Variants in ARMC8 observed in about 807,000 individuals in gnomAD.
ARMC8 encodes armadillo repeat containing 8, also known as armadillo repeat-containing protein 8.
A neutral mutation model predicts 99.3 loss-of-function variants in ARMC8; 20 were observed. The ratio of observed to expected loss-of-function variants is 0.20; its 90% CI spans 0.14 to 0.29. The LOEUF (loss-of-function observed/expected upper bound fraction) is 0.29, where lower values mean the gene tolerates loss of function less well. ARMC8 is among the 10% of genes least tolerant of loss of function. The pLI, the probability that ARMC8 is intolerant of heterozygous loss-of-function variation, is 1.00. For synonymous variants in ARMC8, 263 were observed against 278.3 expected (o/e 0.95, Z 0.55); for missense variants, 569 against 809.5 (o/e 0.70, Z 3.60).
intron 12 of ARMC8, among the ~76,000 whole-genome samples, chr3:138,260,242 C>T (rs1309763187): frequency 6.6e-6 from 1 of 152,172 alleles, no homozygotes; most frequent in Non-Finnish European, 1.5e-5. Flanking sequence ...CCTCACCCGC[C>T]TTCTTCCCAA....
chr3:138,201,026 C>A (rs1202781640), intron 1 of ARMC8, among the ~76,000 whole-genome samples: 3 of 150,380 alleles, frequency 2.0e-5, no homozygotes, highest in African/African-American at 7.4e-5. Context: ...GATTCTCCTG[C>A]CTCAGCTTCC....
chr3:138,289,066 C>T lies in ARMC8; in HGVS notation c.1840C>T (p.Leu614=), dbSNP rs1167308250. Residue 614 remains leucine, a synonymous_variant, in exon 20 of 22, where the codon CTG becomes TTG. Transcript: ENST00000469044. ...TTAATAGGGCCATTCACATGTTAAACTGCAGCTTGCAGCCATGTTTTGTAT... is the reference window on the plus strand; with the variant it reads ...TTAATAGGGCCATTCACATGTTAAATTGCAGCTTGCAGCCATGTTTTGTAT... The part of the protein sequence containing the change: ...KYYMGHSHVK[L]QLAAMFCISN... 2 of 1,612,750 alleles carry T rather than the reference C, an allele frequency of 1.2e-6. No homozygotes were observed. Among genetic ancestry groups the T allele is most frequent in the African/African-American group, 1.3e-5 (1 of 74,884 alleles).
chr3:138,196,708 TA>T (rs958022659), intron 1 of ARMC8, among the ~76,000 whole-genome samples: 27 of 150,892 alleles, frequency 1.8e-4, no homozygotes, highest in Non-Finnish European at 3.7e-4. Context: ...CTACTAAAAA[TA>T]AAAAAAAATT....
rs190308837 is a variant in ARMC8, at chr3:138,263,750, T to C, written c.1146T>C (p.Thr382=). 17 of 1,613,974 alleles carry C rather than the reference T, an allele frequency of 1.1e-5. No homozygotes were observed. Among genetic ancestry groups the C allele is most frequent in the Non-Finnish European group, 1.3e-5 (15 of 1,179,810 alleles). The change falls in exon 13 of 22, where the codon ACT becomes ACC. Residue 382 remains threonine, a synonymous_variant. Coordinates refer to ENST00000469044, the MANE Select transcript of ARMC8 (RefSeq NM_001363941.2). ...DEDIRKKIIE[T]ENMMDRIVTG... The stretch of plus-strand genomic sequence containing the variant: ...ACCTTTTTCTCCAGATCATTGAGAC[T>C]GAAAATATGATGGACCGAATTGTGA...
At chr3:138,225,407 G>C (rs991553584) in intron 5 of ARMC8, among the ~76,000 whole-genome samples, 1 of 152,010 alleles carries the variant, frequency 6.6e-6, no homozygotes, top group Non-Finnish European at 1.5e-5. Context: ...CACTGCGCCC[G>C]GCCTCTTCTA....
intron 12 of ARMC8, chr3:138,262,568 G>T (rs761767101): frequency 6.2e-7 from 1 of 1,611,590 alleles, no homozygotes; most frequent in South Asian, 1.1e-5. Context: ...CTTCAACCTT[G>T]GCTGTGTACT....
At chr3:138,274,633 G>A in intron 18 of ARMC8, 89 bp downstream of exon 18, 1 of 941,472 alleles carries the variant, frequency 1.1e-6, no homozygotes. Flanking sequence ...CAAATCTGCA[G>A]AAGACAGAGT....
chr3:138,189,053 TCTC>T (rs2043232746), intron 1 of ARMC8, among the ~76,000 whole-genome samples: 1 of 152,176 alleles, frequency 6.6e-6, no homozygotes, highest in African/African-American at 2.4e-5. Context: ...TGTTCTCAGT[TCTC>T]CTTTAATTAT....
chr3:138,286,202 C>T (rs1013722951), intron 19 of ARMC8, among the ~76,000 whole-genome samples: 2 of 152,178 alleles, frequency 1.3e-5, no homozygotes, highest in African/African-American at 4.8e-5. Flanking sequence ...CTCGGCCTCC[C>T]AAAGTGCTGG....
intron 10 of ARMC8, among the ~76,000 whole-genome samples, 155 bp from the exon 11 acceptor site, chr3:138,241,628 A>C (rs904590372): frequency 7.9e-5 from 12 of 152,188 alleles, no homozygotes; most frequent in Admixed American, 3.3e-4. Context: ...TTGTTTTTGC[A>C]TTTTAAAAAA....
chr3:138,288,407 A>G (rs1029847376), intron 19 of ARMC8, among the ~76,000 whole-genome samples: 8 of 152,228 alleles, frequency 5.3e-5, no homozygotes, highest in African/African-American at 1.9e-4. Flanking sequence ...TTCCTCGTGC[A>G]TGGATTGAAT....
intron 5 of ARMC8, among the ~76,000 whole-genome samples, chr3:138,225,780 G>C (rs920090969): frequency 1.3e-5 from 2 of 152,150 alleles, no homozygotes; most frequent in African/African-American, 4.8e-5. Flanking sequence ...ATCTTATCCA[G>C]AATCAGGCTT....
chr3:138,217,793 C>G (rs777444569), intron 2 of ARMC8, among the ~76,000 whole-genome samples: 2 of 152,172 alleles, frequency 1.3e-5, no homozygotes, highest in African/African-American at 2.4e-5. Context: ...AAAGATAATT[C>G]AGTGTGTACA....
chr3:138,254,054 A>G (rs2047266937), intron 12 of ARMC8, among the ~76,000 whole-genome samples: 1 of 152,244 alleles, frequency 6.6e-6, no homozygotes, highest in South Asian at 2.1e-4. Flanking sequence ...GGACCTCCAT[A>G]TCTGTGTTCC....
At chr3:138,235,617 G>A (rs1025731861) in intron 7 of ARMC8, among the ~76,000 whole-genome samples, 5 of 152,116 alleles carry the variant, frequency 3.3e-5, no homozygotes, top group Non-Finnish European at 7.4e-5. Flanking sequence ...CATATTACCA[G>A]GTGTTGAGTT....
intron 1 of ARMC8, among the ~76,000 whole-genome samples, chr3:138,198,045 C>T (rs1370623478): frequency 6.6e-6 from 1 of 152,160 alleles, no homozygotes; most frequent in African/African-American, 2.4e-5. Context: ...AAACTCACTA[C>T]AGAGCCAGAT....
intron 1 of ARMC8, among the ~76,000 whole-genome samples, chr3:138,208,985 A>G (rs1208972954): frequency 6.6e-6 from 1 of 152,136 alleles, no homozygotes; most frequent in Non-Finnish European, 1.5e-5. Context: ...GTTTTCCTTC[A>G]CAGAAAGTGT....
chr3:138,278,535 T>C (rs1486761736), intron 18 of ARMC8, among the ~76,000 whole-genome samples: 2 of 152,026 alleles, frequency 1.3e-5, no homozygotes, highest in African/African-American at 4.8e-5. Flanking sequence ...ATTTGGTAAA[T>C]AAAATTACTA....
chr3:138,268,654 T>C (rs1403231988), intron 15 of ARMC8, among the ~76,000 whole-genome samples: 1 of 152,132 alleles, frequency 6.6e-6, no homozygotes, highest in African/African-American at 2.4e-5. Context: ...CACACACCTG[T>C]AGTTCTAGCT....
Sources: allele counts gnomAD v4.1 joint callset (sites outside exome capture counted in the v4.1 genomes callset), GRCh38; gene constraint gnomAD v4.1.1; transcripts MANE v1.5; gene names NCBI Gene and HGNC (gene_info 2026-07-23, HGNC 2026-07-21).